The following MYO9A variants were observed in gnomAD, a reference collection of about 807,000 sequenced individuals.
MYO9A encodes the protein myosin IXA, also known as unconventional myosin-IXa.
A neutral mutation model predicts 293.3 loss-of-function variants in MYO9A; 103 were observed. That is an observed-to-expected ratio of 0.35 (90% CI 0.30 to 0.41). The LOEUF (loss-of-function observed/expected upper bound fraction) is 0.41, where lower values mean the gene tolerates loss of function less well. Ranked by LOEUF, MYO9A falls within the 10% of genes least tolerant of loss-of-function variation. The pLI is 1.00. For synonymous variants in MYO9A, 1,001 were observed against 1,035.7 expected, an observed-to-expected ratio of 0.97 and a Z score of 0.64; for missense variants, 2,685 against 3,033.0, an observed-to-expected ratio of 0.89 and a Z score of 2.69.
At chr15:71,927,283 A>G (rs1189648399) in intron 18 of MYO9A, among the ~76,000 whole-genome samples, 1 of 152,224 alleles carries the variant, frequency 6.6e-6, no homozygotes, top group Non-Finnish European at 1.5e-5. Flanking sequence ...ATAGTCTGCA[A>G]ATATTTTCTC....
At chr15:72,088,680 T>G (rs1165885146) in intron 1 of MYO9A, among the ~76,000 whole-genome samples, 1 of 152,170 alleles carries the variant, frequency 6.6e-6, no homozygotes, top group African/African-American at 2.4e-5. Flanking sequence ...GCTCTACCAG[T>G]CAGTAAAAAA....
intron 3 of MYO9A, among the ~76,000 whole-genome samples, chr15:72,028,178 C>CA (rs1312426615): frequency 6.8e-6 from 1 of 146,144 alleles, no homozygotes; most frequent in African/African-American, 2.5e-5. Flanking sequence ...GCCTGGGTGA[C>CA]AGAGTGAGAA....
At position 71,854,663 on chromosome 15, in the gene MYO9A, C is replaced by G. The variant is rs953496941; in HGVS notation, c.6154-94G>C. ...TACCAGGAGCTACTTTTTTATTTCT[C>G]TGAAGTTTTATGAGCATAGTTAGAA... is the stretch of plus-strand genomic sequence containing the variant. On this transcript the variant is annotated intron_variant, in intron 34 of 41. Transcript: ENST00000356056. 2.9e-6 allele frequency: 3 copies of G among 1,034,424 alleles called. No homozygotes were observed. In the African/African-American group the frequency reaches 5.0e-5, roughly 17 times the overall value. The allele number at this position is 1,034,424 out of a possible 1,614,324, so 64.1% of individuals were successfully genotyped here. A position where few individuals can be genotyped will look rare whatever the true frequency, so the allele number is the denominator to read the frequency against.
intron 1 of MYO9A, among the ~76,000 whole-genome samples, chr15:72,099,904 G>A (rs1293777492): frequency 4.8e-5 from 5 of 104,036 alleles, no homozygotes; most frequent in South Asian, 3.9e-4. Flanking sequence ...AGCAAGACTT[G>A]GTCTCAAAAA....
intron 1 of MYO9A, among the ~76,000 whole-genome samples, chr15:72,105,308 C>G (rs776918090): frequency 1.3e-5 from 2 of 151,980 alleles, no homozygotes; most frequent in Non-Finnish European, 2.9e-5. Context: ...AGTGTAACCT[C>G]GAACTCCTGG....
chr15:71,935,374 C>T lies in MYO9A; in HGVS notation c.2489G>A (p.Ser830Asn), dbSNP rs148457506. Residue 830 changes from serine to asparagine, a missense_variant, in exon 17 of 42, where the codon AGC (serine) becomes AAC (asparagine). Coordinates refer to ENST00000356056, the MANE Select transcript of MYO9A (RefSeq NM_006901.4). Reference sequence around the variant, plus strand: ...TCCATGGGCTCTCTCCAGGAGTTTGCTGCTAGTTGAATTAGCAAATATTCC... The same window carrying T: ...TCCATGGGCTCTCTCCAGGAGTTTGTTGCTAGTTGAATTAGCAAATATTCC... ...KDGIFANSTS[S>N]KLLERAHGIL... 5.3e-5 allele frequency: 85 copies of T among 1,613,600 alleles called. No individual in the cohort carries two copies. The African/African-American group carries it at 1.1e-3, about 20-fold the overall frequency.
Position 71,862,759 on chromosome 15 carries a change from A to C in MYO9A, c.5980-148T>G, listed in dbSNP as rs554259894. The stretch of plus-strand genomic sequence containing the variant: ...AGGATCTTTTGAGAAATAACATAAA[A>C]TAAAATATATTTTTCCTGCTTTCCA... On this transcript the variant is annotated intron_variant, in intron 32 of 41. Coordinates refer to ENST00000356056, the MANE Select transcript of MYO9A (RefSeq NM_006901.4). 44 of 556,404 alleles carry C rather than the reference A, an allele frequency of 7.9e-5. No individual in the cohort carries two copies. In the Middle Eastern group the frequency reaches 1.6e-3, roughly 20 times the overall value. 34.5% of individuals were successfully genotyped at this position (556,404 alleles called of 1,614,324 possible). A position where few individuals can be genotyped will look rare whatever the true frequency, so the allele number is the denominator to read the frequency against.
intron 1 of MYO9A, among the ~76,000 whole-genome samples, chr15:72,077,671 A>C (rs1042354073): frequency 6.7e-6 from 1 of 148,498 alleles, no homozygotes; most frequent in Admixed American, 6.8e-5. Context: ...CAGAGGTTGC[A>C]GTGAGCCAAG....
intron 19 of MYO9A, among the ~76,000 whole-genome samples, chr15:71,909,430 G>A (rs1034863729): frequency 2.6e-5 from 4 of 152,064 alleles, no homozygotes; most frequent in Non-Finnish European, 5.9e-5. Context: ...TCATTGTTTT[G>A]GACTTCTGCC....
intron 1 of MYO9A, among the ~76,000 whole-genome samples, chr15:72,071,443 T>C (rs1315250807): frequency 1.3e-5 from 2 of 151,998 alleles, no homozygotes; most frequent in African/African-American, 2.4e-5. Flanking sequence ...ACACATTTGG[T>C]AGAAATATAA....
At chr15:71,841,307 A>C (rs1388776139) in intron 39 of MYO9A, among the ~76,000 whole-genome samples, 3 of 152,192 alleles carry the variant, frequency 2.0e-5, no homozygotes, top group Non-Finnish European at 4.4e-5. Context: ...TCTGATTTTA[A>C]TCAGAATGCT....
chr15:71,826,289 TG>T lies in MYO9A; in HGVS notation c.*290del, dbSNP rs2054498716. On this transcript the variant is annotated 3_prime_UTR_variant, in exon 42 of 42. Transcript: ENST00000356056. Reference sequence around the variant, plus strand: ...CCACCTTTGGGAAGGGAAAAGAGGGTGGGGGAGAGGCAACTACAACTGACCC... The same window carrying T: ...CCACCTTTGGGAAGGGAAAAGAGGGTGGGGAGAGGCAACTACAACTGACCC... 6.4e-6 allele frequency: 2 copies of T among 312,202 alleles called. No individual in the cohort carries two copies. Among genetic ancestry groups the T allele is most frequent in the Non-Finnish European group, 1.2e-5 (2 of 170,932 alleles). 19.3% of individuals were successfully genotyped at this position (312,202 alleles called of 1,614,324 possible).
chr15:72,078,816 G>A (rs946664811), intron 1 of MYO9A, among the ~76,000 whole-genome samples: 1 of 151,856 alleles, frequency 6.6e-6, no homozygotes, highest in African/African-American at 2.4e-5. Flanking sequence ...ACGAGCTATC[G>A]AACCATGAAA....
intron 25 of MYO9A, among the ~76,000 whole-genome samples, chr15:71,894,036 G>T (rs1390360288): frequency 6.6e-6 from 1 of 152,126 alleles, no homozygotes; most frequent in African/African-American, 2.4e-5. Flanking sequence ...AAGAATAGTA[G>T]CTGCAAAATA....
At chr15:71,933,238 C>T (rs1028930819) in intron 18 of MYO9A, among the ~76,000 whole-genome samples, 1 of 152,054 alleles carries the variant, frequency 6.6e-6, no homozygotes, top group Non-Finnish European at 1.5e-5. Flanking sequence ...ATATCAGAAA[C>T]CATAAGCCTG....
At position 72,028,200 on chromosome 15, in the gene MYO9A, A is replaced by AAAAT. The variant is rs1200604767; in HGVS notation, c.936-411_936-408dup. Among the ~76,000 whole-genome samples the AAAAT allele has an allele frequency of 4.2e-3, 456 of 109,792 alleles. 3 individuals carry two copies. The highest frequency in any genetic ancestry group is 8.5e-3 in the Middle Eastern group (2 of 234). The allele number at this position is 109,792 out of a possible 152,430, so 72.0% of individuals were successfully genotyped here. ...TGACAGAGTGAGAATCTGTCTCAAA[A>AAAAT]AAATAAATAAATAAATAAATATATA... On this transcript the variant is annotated intron_variant, in intron 3 of 41. Coordinates refer to ENST00000356056, the MANE Select transcript of MYO9A (RefSeq NM_006901.4).
At chr15:71,954,367 AT>A (rs1285911396) in intron 14 of MYO9A, among the ~76,000 whole-genome samples, 1 of 151,768 alleles carries the variant, frequency 6.6e-6, no homozygotes, top group East Asian at 1.9e-4. Context: ...CGCCTGGCTA[AT>A]TTTGTTTTTG....
intron 1 of MYO9A, among the ~76,000 whole-genome samples, chr15:72,102,251 G>C (rs543193192): frequency 6.6e-6 from 1 of 150,554 alleles, no homozygotes; most frequent in East Asian, 1.9e-4. Flanking sequence ...TAAGGGCGGT[G>C]CAAGATGTGC....
chr15:71,966,827 C>T (rs560447780), intron 13 of MYO9A, among the ~76,000 whole-genome samples: 2 of 152,294 alleles, frequency 1.3e-5, no homozygotes, highest in East Asian at 1.9e-4. Flanking sequence ...AAACACAAGT[C>T]GTATCCTCTG....
Sources: gnomAD v4.1 joint callset for allele counts (sites outside exome capture counted in the v4.1 genomes callset) on GRCh38, gnomAD v4.1.1 for gene constraint, MANE v1.5 for transcripts, NCBI Gene and HGNC (gene_info 2026-07-23, HGNC 2026-07-21) for gene names.